Variants in PDE3A observed in about 807,000 individuals in gnomAD.
The protein encoded by PDE3A is cGMP-inhibited 3',5'-cyclic phosphodiesterase 3A.
A neutral mutation model predicts 98.3 loss-of-function variants in PDE3A; 43 were observed. The observed-to-expected ratio is 0.44, with a 90% confidence interval of 0.34 to 0.56. The LOEUF (loss-of-function observed/expected upper bound fraction) is 0.56. Ranked by LOEUF, PDE3A falls within the 20% of genes least tolerant of loss-of-function variation. PDE3A has a pLI of 0.01. For missense variants in PDE3A, 1,427 were observed against 1,440.7 expected (o/e 0.99, Z 0.15); for synonymous variants, 663 against 567.9 (o/e 1.17, Z -2.38).
intron 1 of PDE3A, among the ~76,000 whole-genome samples, chr12:20,395,909 G>C (rs1444641): frequency 0.71 from 108,060 of 151,344 alleles, 39,593 homozygotes; most frequent in East Asian, 0.89. Context: ...TTTATTTTAG[G>C]GACAGGATAT....
intron 1 of PDE3A, among the ~76,000 whole-genome samples, chr12:20,517,223 C>G (rs901436911): frequency 6.6e-6 from 1 of 152,138 alleles, no homozygotes; most frequent in Non-Finnish European, 1.5e-5. Context: ...AGTGCCTACA[C>G]CCATTGATTC....
intron 2 of PDE3A, among the ~76,000 whole-genome samples, chr12:20,584,652 G>T (rs115301854): frequency 0.024 from 3,605 of 152,148 alleles, 124 homozygotes; most frequent in African/African-American, 0.081. Flanking sequence ...ACAATCCTTA[G>T]GAATAACTCA....
At chr12:20,493,953 A>G (rs1415067661) in intron 1 of PDE3A, among the ~76,000 whole-genome samples, 1 of 152,230 alleles carries the variant, frequency 6.6e-6, no homozygotes, top group Non-Finnish European at 1.5e-5. Flanking sequence ...CAATGGCTTC[A>G]GAGTATTCCA....
rs1325854917 is a variant in PDE3A at position 20,370,111 on chromosome 12, T to A, written c.827T>A (p.Ile276Asn). ...APREHLGSQL[I>N]AGTKEDIPVF... ...AGGGAGCATTTGGGGTCCCAGCTGATTGCTGGGACCAAGGAAGATATCCCG... is the reference window on the plus strand; with the variant it reads ...AGGGAGCATTTGGGGTCCCAGCTGAATGCTGGGACCAAGGAAGATATCCCG... Residue 276 changes from isoleucine to asparagine, a missense_variant, in exon 1 of 16, where the codon ATT becomes AAT. By Grantham distance (149) the Ile-to-Asn change is moderately radical. Around this residue, in one of 3 missense-constraint regions of PDE3A, gnomAD observed 1,012 missense variants for 886.5 expected, o/e 1.14. Transcript: ENST00000359062. 3 of 1,613,110 alleles carry A rather than the reference T, an allele frequency of 1.9e-6. No homozygotes were observed. Among genetic ancestry groups the A allele is most frequent in the East Asian group, 2.2e-5 (1 of 44,826 alleles).
chr12:20,466,769 T>C (rs895698615), intron 1 of PDE3A, among the ~76,000 whole-genome samples: 5 of 152,176 alleles, frequency 3.3e-5, no homozygotes, highest in Non-Finnish European at 7.4e-5. Flanking sequence ...TAGACGAAGT[T>C]TGAATTTTAG....
At position 20,678,080 on chromosome 12, in the gene PDE3A, C is replaced by T. The variant is rs1413682822; in HGVS notation, c.3185-1950C>T. ...CCTGGTGTGAGCTCCCTCTCTGAAG[C>T]AATGCCATCACATGATTTCCAGGCA... On this transcript the variant is annotated intron_variant, in intron 15 of 15. Coordinates refer to ENST00000359062, the MANE Select transcript of PDE3A (RefSeq NM_000921.5). Among the ~76,000 whole-genome samples, 4 of 152,236 alleles carry T rather than the reference C, an allele frequency of 2.6e-5. No homozygotes were observed. The South Asian group carries it at 6.2e-4, about 24-fold the overall frequency.
chr12:20,652,693 C>T (rs184575054), intron 14 of PDE3A, among the ~76,000 whole-genome samples: 1 of 151,980 alleles, frequency 6.6e-6, no homozygotes. Context: ...GAGTAGGTTG[C>T]AAAAATTTTC....
chr12:20,668,920 A>G (rs1945394705), intron 15 of PDE3A, among the ~76,000 whole-genome samples: 1 of 150,946 alleles, frequency 6.6e-6, no homozygotes, highest in South Asian at 2.1e-4. Flanking sequence ...GAGGACATTC[A>G]AACCAAAGGC....
chr12:20,369,174 G>T lies in PDE3A; in HGVS notation c.-111G>T. On this transcript the variant is annotated 5_prime_UTR_variant, in exon 1 of 16. Coordinates refer to ENST00000359062, the MANE Select transcript of PDE3A (RefSeq NM_000921.5). ...GAAGAAGGATTCCGAGGGTGGAATT[G>T]GGAAGAGCGTGCGTGCGTGTGTGTG... 1.5e-6 allele frequency: 1 copy of T among 677,658 alleles called. No individual in the cohort carries two copies. Among genetic ancestry groups the T allele is most frequent in the South Asian group, 2.2e-5 (1 of 45,324 alleles). The allele number at this position is 677,658 out of a possible 1,614,324, so 42.0% of individuals were successfully genotyped here. A position where few individuals can be genotyped will look rare whatever the true frequency, so the allele number is the denominator to read the frequency against.
chr12:20,635,307 C>G (rs1029977395), intron 8 of PDE3A, among the ~76,000 whole-genome samples: 3 of 152,094 alleles, frequency 2.0e-5, no homozygotes, highest in African/African-American at 7.2e-5. Flanking sequence ...TGGCTCACGC[C>G]TGTAATCCCA....
chr12:20,537,554 T>C (rs1405314689), intron 1 of PDE3A, among the ~76,000 whole-genome samples: 1 of 152,134 alleles, frequency 6.6e-6, no homozygotes, highest in East Asian at 1.9e-4. Flanking sequence ...ATAAAATTCT[T>C]AATTTTAGTG....
chr12:20,462,406 G>T (rs1020484112), intron 1 of PDE3A, among the ~76,000 whole-genome samples: 1 of 152,086 alleles, frequency 6.6e-6, no homozygotes, highest in African/African-American at 2.4e-5. Flanking sequence ...CAGGAGAATC[G>T]CTTGAACCTG....
chr12:20,469,773 G>A (rs1945405237), intron 1 of PDE3A, among the ~76,000 whole-genome samples: 1 of 152,094 alleles, frequency 6.6e-6, no homozygotes, highest in Admixed American at 6.6e-5. Context: ...ATATTATGTG[G>A]GTGGAATAGG....
intron 1 of PDE3A, among the ~76,000 whole-genome samples, chr12:20,474,064 C>T (rs4762964): frequency 0.27 from 40,906 of 152,006 alleles, 7,134 homozygotes; most frequent in East Asian, 0.67. Flanking sequence ...AATCAAAGTA[C>T]ACTCCAAAGT....
At chr12:20,576,593 T>A (rs775521764) in intron 2 of PDE3A, among the ~76,000 whole-genome samples, 1 of 152,118 alleles carries the variant, frequency 6.6e-6, no homozygotes, top group African/African-American at 2.4e-5. Flanking sequence ...CTATATCCAC[T>A]ACTAGCAATA....
intron 1 of PDE3A, among the ~76,000 whole-genome samples, chr12:20,412,937 G>A (rs752367457): frequency 1.3e-5 from 2 of 152,246 alleles, no homozygotes; most frequent in South Asian, 2.1e-4. Context: ...AAAGTCTGTC[G>A]CTATATTAGC....
chr12:20,581,714 G>A (rs1043012137), intron 2 of PDE3A, among the ~76,000 whole-genome samples: 23 of 148,948 alleles, frequency 1.5e-4, no homozygotes, highest in Non-Finnish European at 2.7e-4. Context: ...CCGGGTTCAC[G>A]CCATTCTCCT....
chr12:20,498,165 T>C (rs1945956720), intron 1 of PDE3A, among the ~76,000 whole-genome samples: 1 of 152,180 alleles, frequency 6.6e-6, no homozygotes, highest in Non-Finnish European at 1.5e-5. Flanking sequence ...AACTGGTAAC[T>C]ATACCTATGT....
intron 1 of PDE3A, among the ~76,000 whole-genome samples, chr12:20,389,084 G>A (rs1482998429): frequency 1.3e-5 from 2 of 151,996 alleles, no homozygotes; most frequent in Non-Finnish European, 2.9e-5. Context: ...AATGTAAACA[G>A]AAAAATCACT....
Sources: gnomAD v4.1 joint callset for allele counts (sites outside exome capture counted in the v4.1 genomes callset) on GRCh38, gnomAD v4.1.1 for gene constraint, gnomAD v4.1.1 regional missense constraint, MANE v1.5 for transcripts, NCBI Gene and HGNC (gene_info 2026-07-23, HGNC 2026-07-21) for gene names.